Variants in ATAD5 observed in about 807,000 individuals in gnomAD.
ATAD5 encodes the protein ATPase family AAA domain-containing protein 5.
In ATAD5, 58 loss-of-function variants were observed where a neutral mutation model predicts 176.9. That is an observed-to-expected ratio of 0.33 (90% CI 0.27 to 0.41). The LOEUF (loss-of-function observed/expected upper bound fraction) is 0.41, where lower values mean the gene tolerates loss of function less well. Ranked by LOEUF, ATAD5 falls within the 10% of genes least tolerant of loss-of-function variation. ATAD5 has a pLI of 1.00. For missense variants in ATAD5, 1,789 were observed against 2,094.1 expected (o/e 0.85, Z 2.84); for synonymous variants, 640 against 712.6 (o/e 0.90, Z 1.62).
At chr17:30,852,433 G>A (rs1907025834) in intron 6 of ATAD5, among the ~76,000 whole-genome samples, 1 of 152,166 alleles carries the variant, frequency 6.6e-6, no homozygotes, top group Non-Finnish European at 1.5e-5. Flanking sequence ...GGTATTTAGA[G>A]ACGAAGGTCT....
chr17:30,860,380 T>C, intron 9 of ATAD5, 53 bp from the exon 10 acceptor site: 1 of 1,528,036 alleles, frequency 6.5e-7, no homozygotes, highest in Non-Finnish European at 8.8e-7. Flanking sequence ...ATATTAATAT[T>C]ACTGGTTTTT....
intron 18 of ATAD5, among the ~76,000 whole-genome samples, chr17:30,880,071 G>A (rs1908921605): frequency 2.0e-5 from 3 of 149,250 alleles, no homozygotes; most frequent in Admixed American, 6.7e-5. Context: ...GGAGGCTGAG[G>A]AGGGCAGATT....
rs1253441164 is a variant in ATAD5 at position 30,835,703 on chromosome 17, A to G, written c.1622A>G (p.Tyr541Cys). The G allele has an allele frequency of 1.9e-6, 3 of 1,608,826 alleles. No homozygotes were observed. The East Asian group carries it at 6.7e-5, about 36-fold the overall frequency. The change falls in exon 2 of 23, where the codon TAT becomes TGT. Residue 541 changes from tyrosine (Y) to cysteine (C), a missense_variant. By Grantham distance (194) the Tyr-to-Cys change is radical (BLOSUM62 -2). Around this residue, in one of 6 missense-constraint regions of ATAD5, gnomAD observed 696 missense variants for 712.5 expected, o/e 0.98. Coordinates refer to ENST00000321990, the MANE Select transcript of ATAD5 (RefSeq NM_024857.5). ...STLFNNESLVYEDIANDDLLK... is the reference protein window; with the variant it reads ...STLFNNESLVCEDIANDDLLK... Reference sequence around the variant, plus strand: ...TTATTTAACAATGAAAGTCTTGTTTATGAAGATATAGCAAATGATGACCTT... The same window carrying G: ...TTATTTAACAATGAAAGTCTTGTTTGTGAAGATATAGCAAATGATGACCTT...
At position 30,865,682 on chromosome 17, in the gene ATAD5, ATT is replaced by A. The variant is rs761866185; in HGVS notation, c.3137-9_3137-8del. 7,338 of 1,119,792 alleles carry A rather than the reference ATT, an allele frequency of 6.6e-3. No individual in the cohort carries two copies. Among genetic ancestry groups the A allele is most frequent in the South Asian group, 0.011 (637 of 59,640 alleles). 69.4% of individuals were successfully genotyped at this position (1,119,792 alleles called of 1,614,324 possible). Reference sequence around the variant, plus strand: ...TTTATGTCAAGGAATGAATACCTTAATTTTTTTTTTTTTTGCTTTAGATTCTG... The same window carrying A: ...TTTATGTCAAGGAATGAATACCTTAATTTTTTTTTTTTGCTTTAGATTCTG... On this transcript the variant is annotated intron_variant, in intron 10 of 22. Transcript: ENST00000321990.
At chr17:30,877,944 T>TATCA in intron 16 of ATAD5, 59 bp from the exon 17 acceptor site, 1 of 1,170,478 alleles carries the variant, frequency 8.5e-7, no homozygotes, top group Non-Finnish European at 1.2e-6. Flanking sequence ...ATATTTACTA[T>TATCA]GTATACATAA....
At chr17:30,837,122 G>C in intron 2 of ATAD5, 84 bp from the exon 3 acceptor site, 1 of 771,300 alleles carries the variant, frequency 1.3e-6, no homozygotes, top group Non-Finnish European at 2.0e-6. Flanking sequence ...CACTGCACCA[G>C]CTCTATTTTA....
At chr17:30,834,051 T>C (rs1324309496) in intron 1 of ATAD5, 97 bp from the exon 2 acceptor site, 1 of 1,064,018 alleles carries the variant, frequency 9.4e-7, no homozygotes, top group Non-Finnish European at 1.3e-6. Context: ...CTTCCTTTTT[T>C]TAATCCTATT....
At chr17:30,850,666 GCTC>G (rs1354974193) in intron 6 of ATAD5, among the ~76,000 whole-genome samples, 2 of 150,720 alleles carry the variant, frequency 1.3e-5, no homozygotes, top group African/African-American at 4.9e-5. Flanking sequence ...TATCCTCCAA[GCTC>G]TAAGACATCT....
chr17:30,836,957 G>A (rs1905784210), intron 2 of ATAD5, among the ~76,000 whole-genome samples: 1 of 152,102 alleles, frequency 6.6e-6, no homozygotes, highest in Non-Finnish European at 1.5e-5. Context: ...TGGAGCCCTA[G>A]TTGGTTCTTT....
At chr17:30,842,525 A>G (rs1356200706) in intron 4 of ATAD5, among the ~76,000 whole-genome samples, 1 of 152,094 alleles carries the variant, frequency 6.6e-6, no homozygotes, top group East Asian at 1.9e-4. Flanking sequence ...TTGTCTGTGT[A>G]TTCCCAATTT....
intron 6 of ATAD5, among the ~76,000 whole-genome samples, chr17:30,849,899 A>T (rs1567683046): frequency 6.6e-6 from 1 of 152,202 alleles, no homozygotes; most frequent in Non-Finnish European, 1.5e-5. Flanking sequence ...GAACAAACCT[A>T]CAGTAATAGA....
chr17:30,893,497 T>C lies in ATAD5; in HGVS notation c.4644T>C (p.Ala1548=), dbSNP rs1484230584. The change falls in exon 21 of 23, where the codon GCT becomes GCC. Residue 1548 remains alanine, a synonymous_variant. Transcript: ENST00000321990. ...CAACAAAAAGTATGAATTGTCTTGC[T>C]AGGAAACACTCTGAAAGAGAACAGC... ...SAATKSMNCL[A]RKHSEREQPL... 1 of 1,612,778 alleles carries C rather than the reference T, an allele frequency of 6.2e-7. No homozygotes were observed. Among genetic ancestry groups the C allele is most frequent in the East Asian group, 2.2e-5 (1 of 44,872 alleles).
chr17:30,838,567 C>A (rs930873338), intron 3 of ATAD5, among the ~76,000 whole-genome samples: 2 of 152,106 alleles, frequency 1.3e-5, no homozygotes, highest in Non-Finnish European at 2.9e-5. Context: ...GTTAGAAAGA[C>A]GGTCTTTAGT....
chr17:30,890,213 A>G (rs1390175633), intron 19 of ATAD5, among the ~76,000 whole-genome samples: 1 of 151,724 alleles, frequency 6.6e-6, no homozygotes, highest in Non-Finnish European at 1.5e-5. Context: ...TTCAAAGTAG[A>G]TATGCCTATA....
Position 30,887,175 on chromosome 17 carries a change from C to G in ATAD5, c.4078-17C>G. The G allele has an allele frequency of 3.9e-6, 6 of 1,555,438 alleles. No homozygotes were observed. Among genetic ancestry groups the G allele is most frequent in the African/African-American group, 1.4e-5 (1 of 71,738 alleles). On this transcript the variant is annotated splice_polypyrimidine_tract_variant and intron_variant, in intron 18 of 22. Coordinates refer to ENST00000321990, the MANE Select transcript of ATAD5 (RefSeq NM_024857.5). ...TTGAACTCAGCAGTTAACCACATTTCTCTCTCTGTTTTGAAGCTAAATGTT... is the reference window on the plus strand; with the variant it reads ...TTGAACTCAGCAGTTAACCACATTTGTCTCTCTGTTTTGAAGCTAAATGTT...
In ATAD5 at chr17:30,834,321, A is replaced by G. The variant is rs1905565701; in HGVS notation, c.240A>G (p.Lys80=). 1.2e-6 allele frequency: 2 copies of G among 1,613,312 alleles called. No homozygotes were observed. The highest frequency in any genetic ancestry group is 1.7e-6 in the Non-Finnish European group (2 of 1,179,778). The change falls in exon 2 of 23, where the codon AAA becomes AAG. Residue 80 remains lysine (K), a synonymous_variant. Transcript: ENST00000321990. Reference sequence around the variant, plus strand: ...CAAATGAGAAGACACAATTAGGGAAAGAGTGCAAGATAAAGTCACCTGAAT... The same window carrying G: ...CAAATGAGAAGACACAATTAGGGAAGGAGTGCAAGATAAAGTCACCTGAAT... The part of the protein sequence containing the change: ...SPTNEKTQLG[K]ECKIKSPESV...
intron 16 of ATAD5, 61 bp from the exon 17 acceptor site, chr17:30,877,942 T>TA: frequency 8.7e-7 from 1 of 1,155,346 alleles, no homozygotes; most frequent in Non-Finnish European, 1.2e-6. Flanking sequence ...GAATATTTAC[T>TA]ATGTATACAT....
chr17:30,847,266 C>G (rs1379014587), intron 6 of ATAD5, among the ~76,000 whole-genome samples: 1 of 151,876 alleles, frequency 6.6e-6, no homozygotes, highest in Non-Finnish European at 1.5e-5. Context: ...GGTAGCATAT[C>G]AGTTGTCTGT....
At chr17:30,863,452 C>T (rs1477555648) in intron 10 of ATAD5, among the ~76,000 whole-genome samples, 4 of 151,760 alleles carry the variant, frequency 2.6e-5, no homozygotes, top group African/African-American at 9.7e-5. Context: ...CTGCAAGCTC[C>T]GCCTCCTGGG....
Sources: allele counts gnomAD v4.1 joint callset (sites outside exome capture counted in the v4.1 genomes callset), GRCh38; gene constraint gnomAD v4.1.1; regional missense constraint gnomAD v4.1.1; transcripts MANE v1.5; gene names NCBI Gene and HGNC (gene_info 2026-07-23, HGNC 2026-07-21).